The following IL17RC variants were observed in gnomAD, a reference collection of about 807,000 sequenced individuals.
The protein encoded by IL17RC is interleukin-17 receptor C.
IL17RC carries 53 observed loss-of-function variants against 86.7 expected under a neutral mutation model. That is an observed-to-expected ratio of 0.61 (90% CI 0.49 to 0.77). The LOEUF is 0.77. Ranked by LOEUF, IL17RC falls within the 30% of genes least tolerant of loss-of-function variation. The pLI, the probability that IL17RC is intolerant of heterozygous loss-of-function variation, is 0.00. For synonymous variants in IL17RC, 439 were observed against 413.1 expected (o/e 1.06, Z -0.76); for missense variants, 957 against 940.0 (o/e 1.02, Z -0.24).
intron 7 of IL17RC, among the ~76,000 whole-genome samples, chr3:9,922,630 A>C (rs996703932): frequency 2.0e-5 from 3 of 152,242 alleles, no homozygotes; most frequent in African/African-American, 4.8e-5. Context: ...TGTCAGGGTC[A>C]GGGTGGGGGT....
chr3:9,922,301 A>G (rs2083650650), intron 7 of IL17RC, among the ~76,000 whole-genome samples: 2 of 152,190 alleles, frequency 1.3e-5, no homozygotes, highest in Non-Finnish European at 2.9e-5. Context: ...CCAGATCAAT[A>G]CATAAATACT....
intron 9 of IL17RC, 121 bp downstream of exon 9, chr3:9,924,412 C>G (rs2083874632): frequency 7.1e-6 from 7 of 980,684 alleles, no homozygotes; most frequent in African/African-American, 1.6e-5. Context: ...CTGTGGCTCC[C>G]TGGGGTGGCT....
At position 9,918,024 on chromosome 3, in the gene IL17RC, G is replaced by T; in HGVS notation, c.229G>T (p.Glu77Ter). 1 of 1,611,258 alleles carries T rather than the reference G, an allele frequency of 6.2e-7. No individual in the cohort carries two copies. Among genetic ancestry groups the T allele is most frequent in the South Asian group, 1.1e-5 (1 of 90,692 alleles). The change falls in exon 3 of 19, where the codon GAG (glutamate) becomes TAG (stop). Residue 77 changes from glutamate to a stop codon, truncating the protein, a stop_gained. Transcript: ENST00000403601. LOFTEE classifies it high-confidence loss of function. ...AGAGCTGGTGCTGAGGTGCCAGAAG[G>T]AGACCGACTGTGACCTCTGTCTGCG... is the stretch of plus-strand genomic sequence containing the variant. ...QTELVLRCQK[E>*]TDCDLCLRVA...
Position 9,932,619 on chromosome 3 carries a change from C to T in IL17RC, c.1399C>T (p.Arg467Cys). 1 of 1,614,074 alleles carries T rather than the reference C, an allele frequency of 6.2e-7. No individual in the cohort carries two copies. Among genetic ancestry groups the T allele is most frequent in the Non-Finnish European group, 8.5e-7 (1 of 1,179,904 alleles). ...ACPMDKYIHK[R>C]WALVWLACLL... ...TCTGGGTCTCCCAGACATCCACAAG[C>T]GCTGGGCCCTCGTGTGGCTGGCCTG... Residue 467 changes from arginine (R) to cysteine (C), a missense_variant, in exon 17 of 19, where the codon CGC (arginine) becomes TGC (cysteine). Arg to Cys is a radical substitution (Grantham distance 180). Transcript: ENST00000403601.
rs530330109 is a variant in IL17RC, at chr3:9,917,263, T to TG, written c.-44dup. On this transcript the variant is annotated 5_prime_UTR_variant, in exon 1 of 19. Transcript: ENST00000403601. ...GGCTGACTGGGGTGTCTGCCCCCCT[T>TG]GGGGGGGGGCAGCACAGGGCCTCAG... 0.35 allele frequency: 438,914 copies of TG among 1,251,456 alleles called. 49,093 individuals are homozygous for TG. Among genetic ancestry groups the TG allele is most frequent in the African/African-American group, 0.52 (34,258 of 65,570 alleles). 77.5% of individuals were successfully genotyped at this position (1,251,456 alleles called of 1,614,324 possible). A position where few individuals can be genotyped will look rare whatever the true frequency, so the allele number is the denominator to read the frequency against.
intron 8 of IL17RC, 103 bp from the exon 9 acceptor site, chr3:9,924,129 G>C (rs2083843353): frequency 6.2e-7 from 1 of 1,608,520 alleles, no homozygotes; most frequent in African/African-American, 1.3e-5. Flanking sequence ...CCCAAGCAAG[G>C]GAAAATTGGT....
chr3:9,917,624 C>T, intron 1 of IL17RC, 89 bp from the exon 2 acceptor site: 1 of 1,613,962 alleles, frequency 6.2e-7, no homozygotes, highest in Middle Eastern at 1.7e-4. Context: ...ATACGGAGCC[C>T]CAGAAAAAGG....
Position 9,920,481 on chromosome 3 carries a change from C to T in IL17RC, c.466-10C>T, listed in dbSNP as rs1367821369. On this transcript the variant is annotated splice_polypyrimidine_tract_variant and intron_variant, in intron 5 of 18. Transcript: ENST00000403601. ...TGCACCGCCAGCCTTCCTCACCCCT[C>T]TCCTCACAGGGCTCTGTGGTATATG... 3 of 1,564,726 alleles carry T rather than the reference C, an allele frequency of 1.9e-6. No homozygotes were observed. The highest frequency in any genetic ancestry group is 2.6e-6 in the Non-Finnish European group (3 of 1,145,542).
chr3:9,932,360 G>A (rs1186778050), intron 16 of IL17RC, among the ~76,000 whole-genome samples: 1 of 152,134 alleles, frequency 6.6e-6, no homozygotes, highest in Admixed American at 6.5e-5. Flanking sequence ...CCGAGTAGCT[G>A]GGATTACAGG....
Position 9,930,721 on chromosome 3 carries a change from A to G in IL17RC, c.1339-174A>G. Reference sequence around the variant, plus strand: ...TTCCTATAAGCCAGATTTGGTATGGAAGAAGTCATACCCTAGTCAGTGGGC... The same window carrying G: ...TTCCTATAAGCCAGATTTGGTATGGGAGAAGTCATACCCTAGTCAGTGGGC... On this transcript the variant is annotated intron_variant, in intron 15 of 18. Transcript: ENST00000403601. This position sits in a 1 kb window ranked among gnomAD's most constrained non-coding sequence, Gnocchi z 5.8. 6 of 715,618 alleles carry G rather than the reference A, an allele frequency of 8.4e-6. No individual in the cohort carries two copies. The highest frequency in any genetic ancestry group is 9.9e-6 in the Non-Finnish European group (4 of 404,064). 44.3% of individuals were successfully genotyped at this position (715,618 alleles called of 1,614,324 possible).
Position 9,926,009 on chromosome 3 carries a change from A to T in IL17RC, c.822+1718A>T, listed in dbSNP as rs1190749435. On this transcript the variant is annotated intron_variant, in intron 9 of 18. Transcript: ENST00000403601. ...GCAGCTGGGACTGCAGGCATGCGCC[A>T]CCATGCCTGGCTAATTGTTTCCTTT... Among the ~76,000 whole-genome samples the T allele has an allele frequency of 5.0e-5, 7 of 139,972 alleles. No individual in the cohort carries two copies. In the Admixed American group the frequency reaches 5.1e-4, roughly 10 times the overall value. 91.8% of individuals were successfully genotyped at this position (139,972 alleles called of 152,430 possible). A position where few individuals can be genotyped will look rare whatever the true frequency, so the allele number is the denominator to read the frequency against.
At position 9,930,904 on chromosome 3, in the gene IL17RC, G is replaced by A. The variant is rs369935366; in HGVS notation, c.1348G>A (p.Asp450Asn). Residue 450 changes from aspartate (D) to asparagine (N), a missense_variant, in exon 16 of 19, where the codon GAT (aspartate) becomes AAT (asparagine). Asp to Asn is a conservative substitution (Grantham distance 23). Coordinates refer to ENST00000403601, the MANE Select transcript of IL17RC (RefSeq NM_153460.4). This position sits in a 1 kb window ranked among gnomAD's most constrained non-coding sequence, Gnocchi z 5.8. ...TGTTTGTATCTTACAGCTATGGGAC[G>A]ATGACTTGGGAGCGCTATGGGCCTG... ...QSGQCLQLWD[D>N]DLGALWACPM... 73 of 1,614,010 alleles carry A rather than the reference G, an allele frequency of 4.5e-5. No homozygotes were observed. Among genetic ancestry groups the A allele is most frequent in the Non-Finnish European group, 5.0e-5 (59 of 1,179,874 alleles).
Position 9,930,718 on chromosome 3 carries a change from T to TGACTTCTTCCATACCAAATCTGGCTTATA in IL17RC, c.1339-176_1339-175insACTTCTTCCATACCAAATCTGGCTTATAG. ...TTCTTCCTATAAGCCAGATTTGGTA[T>TGACTTCTTCCATACCAAATCTGGCTTATA]GGAAGAAGTCATACCCTAGTCAGTG... On this transcript the variant is annotated intron_variant, in intron 15 of 18. Transcript: ENST00000403601. This position sits in a 1 kb window ranked among gnomAD's most constrained non-coding sequence, Gnocchi z 5.8. 1 of 706,608 alleles carries TGACTTCTTCCATACCAAATCTGGCTTATA rather than the reference T, an allele frequency of 1.4e-6. No individual in the cohort carries two copies. The highest frequency in any genetic ancestry group is 2.5e-6 in the Non-Finnish European group (1 of 400,344). 43.8% of individuals were successfully genotyped at this position (706,608 alleles called of 1,614,324 possible).
intron 17 of IL17RC, 21 bp downstream of exon 17, chr3:9,932,724 C>G (rs773152123): frequency 6.2e-7 from 1 of 1,613,880 alleles, no homozygotes; most frequent in Non-Finnish European, 8.5e-7. Context: ...CCCGGCTCCC[C>G]ATTCCCCTGG....
Position 9,933,184 on chromosome 3 carries a change from C to A in IL17RC, c.1754C>A (p.Ala585Glu), listed in dbSNP as rs568127511. Reference protein sequence around the residue: ...GVVVLLFSPGAVALCSEWLQD... With the variant: ...GVVVLLFSPGEVALCSEWLQD... ...GTGGTCTTGCTCTTCTCTCCCGGTG[C>A]GGTGGCGCTGTGCAGCGAGTGGCTA... The change falls in exon 19 of 19, where the codon GCG (alanine) becomes GAG (glutamate). Residue 585 changes from alanine to glutamate, a missense_variant. Ala to Glu is a moderately radical substitution (Grantham distance 107, BLOSUM62 -1). Transcript: ENST00000403601. 5 of 1,607,650 alleles carry A rather than the reference C, an allele frequency of 3.1e-6. No individual in the cohort carries two copies. The highest frequency in any genetic ancestry group is 4.2e-6 in the Non-Finnish European group (5 of 1,177,962).
chr3:9,923,748 G>C, intron 7 of IL17RC, 133 bp from the exon 8 acceptor site: 1 of 994,196 alleles, frequency 1.0e-6, no homozygotes, highest in East Asian at 2.5e-5. Flanking sequence ...AGTCTGGTCT[G>C]AAATGATGAC....
intron 9 of IL17RC, among the ~76,000 whole-genome samples, chr3:9,927,928 G>A (rs574905465): frequency 2.0e-5 from 3 of 151,420 alleles, no homozygotes; most frequent in Non-Finnish European, 4.4e-5. Flanking sequence ...CAGCCTGGGC[G>A]ACAGAGCGAG....
chr3:9,928,399 A>T lies in IL17RC; in HGVS notation c.972A>T (p.Ala324=). The change falls in exon 11 of 19, where the codon GCA becomes GCT. Residue 324 remains alanine, a synonymous_variant. Coordinates refer to ENST00000403601, the MANE Select transcript of IL17RC (RefSeq NM_153460.4). ...WLLDAPCSLP[A]EAALCWRAPG... is the part of the protein sequence containing the mutation. The stretch of plus-strand genomic sequence containing the variant: ...TGGACGCACCGTGCTCGCTGCCCGC[A>T]GAAGCGGCACTGTGCTGGCGGGCTC... 1 of 1,605,088 alleles carries T rather than the reference A, an allele frequency of 6.2e-7. No homozygotes were observed. The highest frequency in any genetic ancestry group is 8.5e-7 in the Non-Finnish European group (1 of 1,176,674).
chr3:9,927,555 C>T lies in IL17RC; in HGVS notation c.823-611C>T, dbSNP rs920607844. Among the ~76,000 whole-genome samples, 21 of 151,592 alleles carry T rather than the reference C, an allele frequency of 1.4e-4. 1 individual carries two copies. Among genetic ancestry groups the T allele is most frequent in the Admixed American group, 4.6e-4 (7 of 15,204 alleles). ...CCTGGGCAACAGAGTGAGATTCCAT[C>T]TCAAAAAATAAAAAAATAATAAAAA... On this transcript the variant is annotated intron_variant, in intron 9 of 18. Transcript: ENST00000403601.
Sources: allele counts gnomAD v4.1 joint callset (sites outside exome capture counted in the v4.1 genomes callset), GRCh38; gene constraint gnomAD v4.1.1; non-coding constraint Gnocchi (gnomAD v3.1); transcripts MANE v1.5; gene names NCBI Gene and HGNC (gene_info 2026-07-23, HGNC 2026-07-21).